The following ZNF385D variants were observed in gnomAD, a reference collection of about 807,000 sequenced individuals.
ZNF385D encodes zinc finger protein 385D, also known as zinc finger protein 659.
In ZNF385D, 15 loss-of-function variants were observed where a neutral mutation model predicts 35.8. The observed-to-expected ratio is 0.42, with a 90% CI of 0.28 to 0.64. ZNF385D has a LOEUF of 0.64. ZNF385D is among the 30% of genes least tolerant of loss of function. The pLI, the probability that ZNF385D is intolerant of heterozygous loss-of-function variation, is 0.23. For missense variants in ZNF385D, 474 were observed against 494.6 expected, an observed-to-expected ratio of 0.96 and a Z score of 0.39; for synonymous variants, 212 against 186.8, an observed-to-expected ratio of 1.13 and a Z score of -1.10.
intron 3 of ZNF385D, among the ~76,000 whole-genome samples, chr3:21,901,591 C>A (rs1034613519): frequency 6.6e-6 from 1 of 152,126 alleles, no homozygotes; most frequent in Non-Finnish European, 1.5e-5. Context: ...ATCCTCACAG[C>A]AATCTAAGGT....
chr3:21,561,183 C>G (rs770188244), intron 3 of ZNF385D, among the ~76,000 whole-genome samples: 1 of 152,178 alleles, frequency 6.6e-6, no homozygotes, highest in South Asian at 2.1e-4. Flanking sequence ...CCAGAAGCCA[C>G]TGGGGTATGA....
intron 2 of ZNF385D, among the ~76,000 whole-genome samples, chr3:22,365,736 C>A (rs1295506561): frequency 6.6e-6 from 1 of 152,032 alleles, no homozygotes; most frequent in Non-Finnish European, 1.5e-5. Context: ...GATATAGTTT[C>A]TTTTGTACTG....
At chr3:22,207,118 A>G (rs973969234) in intron 2 of ZNF385D, among the ~76,000 whole-genome samples, 1 of 152,002 alleles carries the variant, frequency 6.6e-6, no homozygotes, top group African/African-American at 2.4e-5. Context: ...AGAGGCTACT[A>G]TAAGCAACAG....
At chr3:21,519,046 A>G (rs1260549086) in intron 3 of ZNF385D, among the ~76,000 whole-genome samples, 1 of 152,138 alleles carries the variant, frequency 6.6e-6, no homozygotes, top group African/African-American at 2.4e-5. Context: ...CAAGTGATTG[A>G]TGCTTTACTT....
intron 4 of ZNF385D, among the ~76,000 whole-genome samples, chr3:21,450,261 C>T (rs1440337653): frequency 6.6e-6 from 1 of 152,164 alleles, no homozygotes; most frequent in Non-Finnish European, 1.5e-5. Flanking sequence ...TTGGACCACA[C>T]ATTAGGAAAC....
intron 2 of ZNF385D, among the ~76,000 whole-genome samples, chr3:22,329,967 G>A (rs4256158): frequency 0.53 from 80,346 of 152,000 alleles, 21,805 homozygotes; most frequent in African/African-American, 0.64. Flanking sequence ...ATTAGTAGCT[G>A]TCATAATAAA....
intron 2 of ZNF385D, among the ~76,000 whole-genome samples, chr3:22,258,139 TA>T (rs1464375572): frequency 6.6e-6 from 1 of 151,730 alleles, no homozygotes; most frequent in Non-Finnish European, 1.5e-5. Context: ...TCTTTATAAA[TA>T]GAACAGATTC....
At chr3:22,309,377 C>T (rs1703411090) in intron 2 of ZNF385D, among the ~76,000 whole-genome samples, 1 of 151,978 alleles carries the variant, frequency 6.6e-6, no homozygotes, top group Admixed American at 6.6e-5. Flanking sequence ...AGAAGAGAAG[C>T]AAGTATAAAT....
chr3:21,485,406 G>C (rs1316608168), intron 4 of ZNF385D, among the ~76,000 whole-genome samples: 1 of 152,098 alleles, frequency 6.6e-6, no homozygotes, highest in African/African-American at 2.4e-5. Flanking sequence ...AACTTGAATT[G>C]TCCTAAACTG....
chr3:22,316,687 T>C, intron 2 of ZNF385D, among the ~76,000 whole-genome samples: 1 of 152,206 alleles, frequency 6.6e-6, no homozygotes, highest in East Asian at 1.9e-4. Context: ...ATGGGATTAA[T>C]AATAGTATTT....
chr3:21,938,409 A>C (rs1679245), intron 3 of ZNF385D, among the ~76,000 whole-genome samples: 134,663 of 152,002 alleles, frequency 0.89, 59,731 homozygotes, highest in East Asian at 0.98. Flanking sequence ...AGGCGGGCAG[A>C]GATTGGAGAG....
At chr3:21,933,449 G>A (rs566619388) in intron 3 of ZNF385D, among the ~76,000 whole-genome samples, 2 of 152,138 alleles carry the variant, frequency 1.3e-5, no homozygotes, top group African/African-American at 2.4e-5. Flanking sequence ...AATTTAAGAA[G>A]ATACTAATAC....
intron 1 of ZNF385D, among the ~76,000 whole-genome samples, chr3:21,686,309 C>T (rs376988469): frequency 6.6e-6 from 1 of 151,980 alleles, no homozygotes; most frequent in African/African-American, 2.4e-5. Flanking sequence ...TTGGCAAGTG[C>T]AGATTATGCG....
chr3:21,931,756 G>C (rs111313826), intron 3 of ZNF385D, among the ~76,000 whole-genome samples: 1 of 152,172 alleles, frequency 6.6e-6, no homozygotes, highest in Non-Finnish European at 1.5e-5. Flanking sequence ...TTCAAAACTA[G>C]ATTGTTATAA....
At chr3:22,244,109 C>G (rs762544320) in intron 2 of ZNF385D, among the ~76,000 whole-genome samples, 31 of 150,374 alleles carry the variant, frequency 2.1e-4, no homozygotes, top group Non-Finnish European at 3.8e-4. Context: ...GCCAATGAAC[C>G]TCTACAAAAT....
At chr3:21,795,416 C>T (rs10212289) in intron 3 of ZNF385D, among the ~76,000 whole-genome samples, 2,537 of 152,338 alleles carry the variant, frequency 0.017, 82 homozygotes, top group African/African-American at 0.057. Flanking sequence ...GGCACATAGC[C>T]ATTAGCGTCT....
intron 1 of ZNF385D, among the ~76,000 whole-genome samples, chr3:21,706,112 A>G (rs1264367401): frequency 1.3e-5 from 2 of 152,194 alleles, no homozygotes; most frequent in African/African-American, 4.8e-5. Flanking sequence ...ATAGTTACTC[A>G]TTGGTTACAG....
At chr3:22,204,324 T>A (rs148717629) in intron 2 of ZNF385D, among the ~76,000 whole-genome samples, 238 of 152,126 alleles carry the variant, frequency 1.6e-3, no homozygotes, top group African/African-American at 5.3e-3. Flanking sequence ...ACAGCTGTAG[T>A]GACCAAGAAC....
intron 3 of ZNF385D, among the ~76,000 whole-genome samples, chr3:21,948,112 C>G (rs1701885998): frequency 6.6e-6 from 1 of 152,018 alleles, no homozygotes; most frequent in South Asian, 2.1e-4. Flanking sequence ...CAATATCACA[C>G]TAATATAATT....
Sources: gnomAD v4.1 joint callset for allele counts (sites outside exome capture counted in the v4.1 genomes callset) on GRCh38, gnomAD v4.1.1 for gene constraint, MANE v1.5 for transcripts, NCBI Gene and HGNC (gene_info 2026-07-23, HGNC 2026-07-21) for gene names.